KSR2: variants seen among roughly 807,000 people sequenced by gnomAD.
The protein encoded by KSR2 is kinase suppressor of ras 2.
KSR2 carries 25 observed loss-of-function variants against 107.8 expected under a neutral mutation model. That is an observed-to-expected ratio of 0.23 (90% CI 0.17 to 0.32). The LOEUF is 0.32. KSR2 is among the 10% of genes least tolerant of loss of function. The pLI is 1.00. For synonymous variants in KSR2, 480 were observed against 507.0 expected (o/e 0.95, Z 0.71); for missense variants, 887 against 1,268.9 (o/e 0.70, Z 4.57).
intron 3 of KSR2, among the ~76,000 whole-genome samples, chr12:117,841,773 C>T (rs1238127613): frequency 6.6e-6 from 1 of 152,120 alleles, no homozygotes; most frequent in African/African-American, 2.4e-5. Context: ...TGCTGTGTGA[C>T]CACCACCCCC....
At position 117,606,438 on chromosome 12, in the gene KSR2, TCC is replaced by T. The variant is rs1332977969; in HGVS notation, c.1172-24081_1172-24080del. On this transcript the variant is annotated intron_variant, in intron 5 of 19. Coordinates refer to ENST00000339824, the MANE Select transcript of KSR2 (RefSeq NM_173598.6). ...CTCCCTCCCCTCCTTCCTCCCTCCC[TCC>T]CCTCCTTCCTCCCTCCCTCCCCTCC... 1.7e-4 allele frequency among the ~76,000 whole-genome samples: 11 copies of T among 64,776 alleles called. 1 individual carries two copies. Among genetic ancestry groups the T allele is most frequent in the South Asian group, 1.8e-3 (2 of 1,134 alleles). The allele number at this position is 64,776 out of a possible 152,430, so 42.5% of individuals were successfully genotyped here.
chr12:117,769,654 T>C (rs939105418), intron 3 of KSR2, among the ~76,000 whole-genome samples: 3 of 152,212 alleles, frequency 2.0e-5, no homozygotes, highest in Non-Finnish European at 4.4e-5. Flanking sequence ...TAAATGTTCA[T>C]GTACAAAGAG....
intron 4 of KSR2, among the ~76,000 whole-genome samples, chr12:117,714,023 G>A (rs945585845): frequency 2.6e-5 from 4 of 151,976 alleles, no homozygotes; most frequent in African/African-American, 7.2e-5. Context: ...AGGTCAGAGT[G>A]AAGAAGAGGA....
chr12:117,793,274 ACG>A (rs1890352561), intron 3 of KSR2, among the ~76,000 whole-genome samples: 1 of 112,448 alleles, frequency 8.9e-6, no homozygotes, highest in African/African-American at 4.2e-5. Context: ...ACATGCACAC[ACG>A]CCAACATGCA....
At chr12:117,793,689 ACACATACAACATG>A in intron 3 of KSR2, among the ~76,000 whole-genome samples, 1 of 150,522 alleles carries the variant, frequency 6.6e-6, no homozygotes, top group East Asian at 2.0e-4. Context: ...ACCAACATGC[ACACATACAACATG>A]CACACACCAT....
intron 5 of KSR2, among the ~76,000 whole-genome samples, chr12:117,612,330 G>A (rs1051859659): frequency 6.6e-6 from 1 of 151,830 alleles, no homozygotes; most frequent in African/African-American, 2.4e-5. Flanking sequence ...CTTGAACCCA[G>A]GAGGTGGAGA....
chr12:117,453,280 A>G lies in KSR2; in HGVS notation c.*13919T>C, dbSNP rs1198485179. On this transcript the variant is annotated 3_prime_UTR_variant, in exon 20 of 20. Transcript: ENST00000339824. Reference sequence around the variant, plus strand: ...ATCTGGCCTTTCTTTCCTGGATGGCATCTGAATAGAGTGTTCCTTCTCAGC... The same window carrying G: ...ATCTGGCCTTTCTTTCCTGGATGGCGTCTGAATAGAGTGTTCCTTCTCAGC... 1.3e-5 allele frequency: 2 copies of G among 152,530 alleles called. No homozygotes were observed. The highest frequency in any genetic ancestry group is 2.9e-5 in the Non-Finnish European group (2 of 68,056). The allele number at this position is 152,530 out of a possible 1,614,324, so 9.4% of individuals were successfully genotyped here.
intron 5 of KSR2, among the ~76,000 whole-genome samples, chr12:117,648,429 T>C (rs1322655585): frequency 6.6e-6 from 1 of 152,192 alleles, no homozygotes; most frequent in Non-Finnish European, 1.5e-5. Flanking sequence ...TGAGTAACCA[T>C]TGTGCCCCTA....
chr12:117,792,722 C>T (rs951405529), intron 3 of KSR2, among the ~76,000 whole-genome samples: 1 of 152,168 alleles, frequency 6.6e-6, no homozygotes, highest in African/African-American at 2.4e-5. Flanking sequence ...TTTCTCCAGA[C>T]CTGGGATATG....
intron 1 of KSR2, among the ~76,000 whole-genome samples, chr12:117,936,523 ATTATTATT>A (rs1895847984): frequency 3.9e-5 from 2 of 50,778 alleles, no homozygotes; most frequent in Non-Finnish European, 1.0e-4. Flanking sequence ...TATTATTATT[ATTATTATT>A]ATTAGTAGTA....
At chr12:117,820,170 C>T (rs1276219552) in intron 3 of KSR2, among the ~76,000 whole-genome samples, 1 of 152,076 alleles carries the variant, frequency 6.6e-6, no homozygotes. Context: ...GCTAAGGGTT[C>T]CCCCCTACCC....
rs910771871 is a variant in KSR2, at chr12:117,968,406, G to C, written c.-151C>G. 1 of 1,344,438 alleles carries C rather than the reference G, an allele frequency of 7.4e-7. No homozygotes were observed. The highest frequency in any genetic ancestry group is 2.2e-5 in the South Asian group (1 of 45,676). 83.3% of individuals were successfully genotyped at this position (1,344,438 alleles called of 1,614,324 possible). ...GAAATCCAACATCTCACACAGGGTTGAGGGGGTGGGAGTGGGAGGAGGGGA... is the reference window on the plus strand; with the variant it reads ...GAAATCCAACATCTCACACAGGGTTCAGGGGGTGGGAGTGGGAGGAGGGGA... On this transcript the variant is annotated 5_prime_UTR_variant, in exon 1 of 20. Transcript: ENST00000339824.
intron 5 of KSR2, among the ~76,000 whole-genome samples, chr12:117,665,763 T>C (rs948812569): frequency 5.9e-5 from 9 of 152,222 alleles, no homozygotes; most frequent in Non-Finnish European, 1.3e-4. Context: ...GAACCTCTTA[T>C]TGTCCCCATT....
At chr12:117,556,180 C>A (rs1275997772) in intron 8 of KSR2, among the ~76,000 whole-genome samples, 50 of 149,298 alleles carry the variant, frequency 3.3e-4, no homozygotes. Context: ...GTACAGACAC[C>A]TGCCACCTTT....
intron 14 of KSR2, among the ~76,000 whole-genome samples, chr12:117,509,097 T>C (rs1189198024): frequency 6.6e-6 from 1 of 152,058 alleles, no homozygotes; most frequent in Non-Finnish European, 1.5e-5. Flanking sequence ...CTTCTGAGGG[T>C]TCAGCTTAGG....
intron 1 of KSR2, among the ~76,000 whole-genome samples, chr12:117,860,924 G>C (rs994699463): frequency 1.3e-5 from 2 of 152,042 alleles, no homozygotes; most frequent in Non-Finnish European, 2.9e-5. Flanking sequence ...TTACCACGTT[G>C]GCCAGGCTGG....
rs916796124 is a variant in KSR2, at chr12:117,709,177, G to A, written c.987-41519C>T. Among the ~76,000 whole-genome samples the A allele has an allele frequency of 4.6e-5, 7 of 152,204 alleles. No homozygotes were observed. The East Asian group carries it at 7.7e-4, about 17-fold the overall frequency. On this transcript the variant is annotated intron_variant, in intron 4 of 19. Transcript: ENST00000339824. ...CAAGGGTGCAGACATCTTTGGGGGA[G>A]CTGTTATTGTTCCTCTCACACCCAT...
chr12:117,530,898 T>C, intron 12 of KSR2, 43 bp downstream of exon 12: 1 of 1,553,602 alleles, frequency 6.4e-7, no homozygotes, highest in Non-Finnish European at 8.9e-7. Flanking sequence ...GGGCCAGGGC[T>C]GGGAAGCTTG....
chr12:117,758,736 CA>C (rs1363260932), intron 4 of KSR2, among the ~76,000 whole-genome samples: 1 of 152,094 alleles, frequency 6.6e-6, no homozygotes, highest in African/African-American at 2.4e-5. Context: ...ATTTAAAAAC[CA>C]AAGGGCAGCC....
Sources: gnomAD v4.1 joint callset for allele counts (sites outside exome capture counted in the v4.1 genomes callset) on GRCh38, gnomAD v4.1.1 for gene constraint, MANE v1.5 for transcripts, NCBI Gene and HGNC (gene_info 2026-07-23, HGNC 2026-07-21) for gene names.